USP22: variants seen among roughly 807,000 people sequenced by gnomAD.
USP22 encodes ubiquitin carboxyl-terminal hydrolase 22.
Under a neutral mutation model 68.1 loss-of-function variants are expected in USP22, and 22 were observed. That is an observed-to-expected ratio of 0.32 (90% confidence interval 0.23 to 0.46). The LOEUF (loss-of-function observed/expected upper bound fraction) is 0.46. Ranked by LOEUF, USP22 falls within the 20% of genes least tolerant of loss-of-function variation. The pLI, the probability that USP22 is intolerant of heterozygous loss-of-function variation, is 1.00. For missense variants in USP22, 433 were observed against 695.8 expected, an observed-to-expected ratio of 0.62 and a Z score of 4.25; for synonymous variants, 279 against 274.2, an observed-to-expected ratio of 1.02 and a Z score of -0.17.
At chr17:21,028,893 G>A (rs1406004692) in intron 1 of USP22, among the ~76,000 whole-genome samples, 8 of 152,262 alleles carry the variant, frequency 5.3e-5, no homozygotes, top group South Asian at 2.1e-4. Flanking sequence ...GGAAAACTCC[G>A]TCCACAACTT....
chr17:21,006,067 G>A (rs1597687466), intron 10 of USP22, among the ~76,000 whole-genome samples: 1 of 152,328 alleles, frequency 6.6e-6, no homozygotes, highest in South Asian at 2.1e-4. Context: ...CAAGACCCTT[G>A]TAGGACATGG....
chr17:21,021,027 G>A (rs1567589271), intron 3 of USP22, 86 bp downstream of exon 3: 1 of 1,086,740 alleles, frequency 9.2e-7, no homozygotes, highest in African/African-American at 1.5e-5. Flanking sequence ...TCCCACCTAG[G>A]TACTTCTCTT....
chr17:21,028,501 G>A (rs1478725586), intron 2 of USP22, 41 bp downstream of exon 2: 12 of 1,601,116 alleles, frequency 7.5e-6, no homozygotes, highest in East Asian at 2.2e-5. Flanking sequence ...GTAGCAATTT[G>A]GGGGCCACAA....
rs543265656 is a variant in USP22, at chr17:21,032,317, T to TA, written c.172-3644dup. Reference sequence around the variant, plus strand: ...CATTTCTCAGAATGTATCCTGTTGTTAAACAATGCCAACACTGCATTATTA... The same window carrying TA: ...CATTTCTCAGAATGTATCCTGTTGTTAAAACAATGCCAACACTGCATTATTA... On this transcript the variant is annotated intron_variant, in intron 1 of 12. Coordinates refer to ENST00000261497, the MANE Select transcript of USP22 (RefSeq NM_015276.2). Among the ~76,000 whole-genome samples the TA allele has an allele frequency of 3.9e-5, 6 of 152,192 alleles. No individual in the cohort carries two copies. The South Asian group carries it at 1.0e-3, about 26-fold the overall frequency.
In USP22 at chr17:21,042,832, C is replaced by T. The variant is rs1051660489; in HGVS notation, c.4G>A (p.Val2Met). ...TCGCCCTCGGGCTCTGGCCGGGACACCATGGGGGGCAAGGCCCGGCCGCGC... is the reference window on the plus strand; with the variant it reads ...TCGCCCTCGGGCTCTGGCCGGGACATCATGGGGGGCAAGGCCCGGCCGCGC... MVSRPEPEGEAM... is the reference protein window; with the variant it reads MMSRPEPEGEAM... The change falls in exon 1 of 13, where the codon GTG becomes ATG. Residue 2 changes from valine to methionine, a missense_variant. Coordinates refer to ENST00000261497, the MANE Select transcript of USP22 (RefSeq NM_015276.2). 1.5e-6 allele frequency: 2 copies of T among 1,348,218 alleles called. No homozygotes were observed. Among genetic ancestry groups the T allele is most frequent in the African/African-American group, 1.5e-5 (1 of 66,348 alleles). 83.5% of individuals were successfully genotyped at this position (1,348,218 alleles called of 1,614,324 possible).
chr17:21,011,484 G>C, intron 7 of USP22, 175 bp from the exon 8 acceptor site: 1 of 797,418 alleles, frequency 1.3e-6, no homozygotes, highest in Non-Finnish European at 1.9e-6. Flanking sequence ...ACGTGTCCTG[G>C]CTCCCAAGGT....
chr17:21,034,429 C>T (rs1972329543), intron 1 of USP22, among the ~76,000 whole-genome samples: 1 of 152,186 alleles, frequency 6.6e-6, no homozygotes, highest in African/African-American at 2.4e-5. Flanking sequence ...AGCAGTCCTC[C>T]CTTACCTACA....
intron 1 of USP22, among the ~76,000 whole-genome samples, chr17:21,038,480 G>A (rs537668192): frequency 1.2e-4 from 18 of 152,114 alleles, no homozygotes; most frequent in African/African-American, 3.1e-4. Flanking sequence ...ACCAGCCTGG[G>A]CAACATGGCA....
chr17:21,031,190 T>C (rs1332844528), intron 1 of USP22, among the ~76,000 whole-genome samples: 1 of 152,266 alleles, frequency 6.6e-6, no homozygotes, highest in Admixed American at 6.5e-5. Flanking sequence ...CTTCAATTCA[T>C]AGGTTTATAC....
At chr17:21,009,436 G>A (rs1913878378) in intron 8 of USP22, among the ~76,000 whole-genome samples, 1 of 147,866 alleles carries the variant, frequency 6.8e-6, no homozygotes, top group South Asian at 2.2e-4. Flanking sequence ...GACTCGAAAA[G>A]GAGCCTTTGC....
At chr17:21,005,023 T>TA (rs763689520) in intron 10 of USP22, 33 bp from the exon 11 acceptor site, 1 of 1,611,698 alleles carries the variant, frequency 6.2e-7, no homozygotes, top group Non-Finnish European at 8.5e-7. Flanking sequence ...TCAGCATCAT[T>TA]AAAATCATCA....
chr17:21,009,261 T>A (rs996192454), intron 8 of USP22, among the ~76,000 whole-genome samples: 1 of 152,082 alleles, frequency 6.6e-6, no homozygotes, highest in African/African-American at 2.4e-5. Flanking sequence ...ACGCCAAATT[T>A]TGAAGCTGAA....
At chr17:21,023,109 T>C (rs930771765) in intron 2 of USP22, among the ~76,000 whole-genome samples, 2 of 152,122 alleles carry the variant, frequency 1.3e-5, no homozygotes, top group Admixed American at 6.6e-5. Context: ...TTCTCACTTA[T>C]AAGTGGGAGC....
chr17:21,026,552 G>A (rs994038374), intron 2 of USP22, among the ~76,000 whole-genome samples: 1 of 151,846 alleles, frequency 6.6e-6, no homozygotes, highest in Non-Finnish European at 1.5e-5. Flanking sequence ...TTGAGCTCCT[G>A]CGCTCAGGTA....
Position 21,042,859 on chromosome 17 carries a change from C to A in USP22, c.-24G>T. 8.1e-7 allele frequency: 1 copy of A among 1,240,598 alleles called. No homozygotes were observed. The allele number at this position is 1,240,598 out of a possible 1,614,324, so 76.8% of individuals were successfully genotyped here. ...ATGGGGGGCAAGGCCCGGCCGCGCG[C>A]GGGGGGCGGCGGCGAGGGAGGCGAG... is the stretch of plus-strand genomic sequence containing the variant. On this transcript the variant is annotated 5_prime_UTR_variant, in exon 1 of 13. Coordinates refer to ENST00000261497, the MANE Select transcript of USP22 (RefSeq NM_015276.2).
At chr17:21,018,425 A>G in intron 4 of USP22, 1 of 149,328 alleles carries the variant, frequency 6.7e-6, no homozygotes, top group Non-Finnish European at 1.3e-5. Flanking sequence ...GGTTTTTAAA[A>G]ATGTTCTAGG....
At chr17:21,017,915 T>TC in intron 5 of USP22, 27 bp downstream of exon 5, 1 of 1,606,938 alleles carries the variant, frequency 6.2e-7, no homozygotes, top group Non-Finnish European at 8.5e-7. Context: ...ACAGAAATGT[T>TC]CCCCTGCAGA....
intron 8 of USP22, among the ~76,000 whole-genome samples, chr17:21,008,506 GCCAAT>G (rs1333111425): frequency 1.3e-5 from 2 of 152,176 alleles, no homozygotes; most frequent in African/African-American, 2.4e-5. Flanking sequence ...TGCAAGAAAA[GCCAAT>G]CTCAAAGGGT....
upstream of USP22, chr17:21,043,399 C>A (rs1972477685): frequency 5.5e-6 from 2 of 363,150 alleles, no homozygotes; most frequent in South Asian, 6.8e-5. Context: ...GCTAGACGTT[C>A]CCTGTCTCTT....
Sources: gnomAD v4.1 joint callset for allele counts (sites outside exome capture counted in the v4.1 genomes callset) on GRCh38, gnomAD v4.1.1 for gene constraint, MANE v1.5 for transcripts, NCBI Gene and HGNC (gene_info 2026-07-23, HGNC 2026-07-21) for gene names.